Variants in SEC23A observed in about 807,000 individuals in gnomAD.
The protein encoded by SEC23A is protein transport protein Sec23A.
In SEC23A, 56 loss-of-function variants were observed where a neutral mutation model predicts 103.7. The ratio of observed to expected loss-of-function variants is 0.54; its 90% CI spans 0.44 to 0.67. The LOEUF is 0.67. Among genes scored for constraint, SEC23A ranks in the 30% least tolerant of loss-of-function variants. SEC23A has a pLI of 0.00. For synonymous variants in SEC23A, 281 were observed against 293.0 expected, an observed-to-expected ratio of 0.96 and a Z score of 0.42; for missense variants, 784 against 936.4, an observed-to-expected ratio of 0.84 and a Z score of 2.12.
intron 17 of SEC23A, chr14:39,041,401 A>G (rs1885630382): frequency 7.5e-6 from 1 of 133,672 alleles, no homozygotes; most frequent in Non-Finnish European, 1.6e-5. Context: ...CATAAAACAA[A>G]GAAAAAGCAA....
At chr14:39,055,410 A>T (rs1594448417) in intron 13 of SEC23A, 114 bp from the exon 14 acceptor site, 13 of 816,162 alleles carry the variant, frequency 1.6e-5, no homozygotes, top group Non-Finnish European at 1.8e-5. Flanking sequence ...AACTACTAGG[A>T]TTTTTTTTTT....
At chr14:39,044,712 T>C (rs192865446) in intron 16 of SEC23A, among the ~76,000 whole-genome samples, 1 of 152,204 alleles carries the variant, frequency 6.6e-6, no homozygotes, top group Non-Finnish European at 1.5e-5. Context: ...ATCAACTATT[T>C]TTTATGTTCT....
intron 15 of SEC23A, among the ~76,000 whole-genome samples, chr14:39,045,540 GA>G (rs1038127463): frequency 9.3e-5 from 14 of 150,630 alleles, no homozygotes; most frequent in South Asian, 4.2e-4. Flanking sequence ...ATTTAAGAAA[GA>G]AAAAAAAAAT....
At chr14:39,070,170 A>C (rs552950539) in intron 9 of SEC23A, among the ~76,000 whole-genome samples, 2 of 152,362 alleles carry the variant, frequency 1.3e-5, no homozygotes, top group Non-Finnish European at 2.9e-5. Flanking sequence ...CATGCGGGCA[A>C]AGATTTTTAC....
At chr14:39,074,591 T>C (rs187977232) in intron 8 of SEC23A, 61 bp from the exon 9 acceptor site, 1 of 1,014,824 alleles carries the variant, frequency 9.9e-7, no homozygotes, top group African/African-American at 1.7e-5. Context: ...CTTTTTTCCA[T>C]TAACAGATCA....
chr14:39,047,512 A>AC (rs1334686541), intron 15 of SEC23A: 145 of 598,128 alleles, frequency 2.4e-4, no homozygotes, highest in Non-Finnish European at 3.0e-4. Flanking sequence ...AACAACAACA[A>AC]AAAAAAAAAC....
At chr14:39,045,998 G>A (rs188426525) in intron 15 of SEC23A, among the ~76,000 whole-genome samples, 1 of 152,156 alleles carries the variant, frequency 6.6e-6, no homozygotes, top group Non-Finnish European at 1.5e-5. Context: ...CATGTCAGGG[G>A]GCAGTTTCCC....
intron 7 of SEC23A, among the ~76,000 whole-genome samples, chr14:39,085,421 G>C (rs796479331): frequency 9.2e-5 from 14 of 152,262 alleles, no homozygotes; most frequent in African/African-American, 3.1e-4. Flanking sequence ...GTCTATCAGA[G>C]AAGTATAGGT....
chr14:39,055,885 CTGTTT>C (rs755041557), intron 13 of SEC23A, among the ~76,000 whole-genome samples: 8 of 152,232 alleles, frequency 5.3e-5, no homozygotes, highest in Non-Finnish European at 7.3e-5. Flanking sequence ...TTCAAGTAGT[CTGTTT>C]TAACTGAGCA....
chr14:39,053,730 T>G (rs1210100651), intron 14 of SEC23A, among the ~76,000 whole-genome samples: 1 of 152,140 alleles, frequency 6.6e-6, no homozygotes, highest in Non-Finnish European at 1.5e-5. Flanking sequence ...ACACAGAAAT[T>G]CGACAGCTTA....
chr14:39,055,662 G>A (rs1351656124), intron 13 of SEC23A, among the ~76,000 whole-genome samples: 2 of 152,102 alleles, frequency 1.3e-5, no homozygotes, highest in African/African-American at 4.8e-5. Context: ...TTAGGTATTA[G>A]GCTAACTCAT....
intron 1 of SEC23A, among the ~76,000 whole-genome samples, chr14:39,102,075 T>A (rs1376840074): frequency 1.3e-5 from 2 of 152,050 alleles, no homozygotes; most frequent in Non-Finnish European, 2.9e-5. Flanking sequence ...CTACTAAAGA[T>A]ACAAAAATTA....
chr14:39,071,960 G>A (rs912098212), intron 9 of SEC23A, among the ~76,000 whole-genome samples: 4 of 152,034 alleles, frequency 2.6e-5, no homozygotes, highest in Admixed American at 2.0e-4. Context: ...GAGGCCGGGC[G>A]GGGTGGCTCA....
At chr14:39,050,357 C>A (rs939390197) in intron 14 of SEC23A, among the ~76,000 whole-genome samples, 3 of 152,144 alleles carry the variant, frequency 2.0e-5, no homozygotes, top group Non-Finnish European at 2.9e-5. Context: ...CATAAAAGGA[C>A]CCTAGGGGTC....
intron 1 of SEC23A, among the ~76,000 whole-genome samples, chr14:39,101,602 G>A (rs527928175): frequency 6.8e-6 from 1 of 147,778 alleles, no homozygotes; most frequent in East Asian, 2.0e-4. Flanking sequence ...CAGCCTGGGT[G>A]ACAGAGCGAG....
At chr14:39,083,407 A>T (rs1392430069) in intron 7 of SEC23A, among the ~76,000 whole-genome samples, 1 of 151,866 alleles carries the variant, frequency 6.6e-6, no homozygotes, top group Non-Finnish European at 1.5e-5. Flanking sequence ...GAGCTGTCCC[A>T]CCTATCTGGA....
chr14:39,048,779 A>C, intron 14 of SEC23A, 50 bp from the exon 15 acceptor site: 1 of 963,372 alleles, frequency 1.0e-6, no homozygotes, highest in Non-Finnish European at 1.7e-6. Flanking sequence ...ATAAAAGCTA[A>C]CACTGTTGCC....
intron 9 of SEC23A, among the ~76,000 whole-genome samples, chr14:39,068,179 A>G (rs1886737252): frequency 6.6e-6 from 1 of 152,156 alleles, no homozygotes; most frequent in Non-Finnish European, 1.5e-5. Flanking sequence ...GTTAAAAACT[A>G]TTTTGATACC....
At chr14:39,077,560 AAG>A (rs1311101504) in intron 7 of SEC23A, among the ~76,000 whole-genome samples, 1 of 151,792 alleles carries the variant, frequency 6.6e-6, no homozygotes, top group Non-Finnish European at 1.5e-5. Flanking sequence ...AAGAAAGAGA[AAG>A]AGAGACAAAG....
Sources: gnomAD v4.1 joint callset for allele counts (sites outside exome capture counted in the v4.1 genomes callset) on GRCh38, gnomAD v4.1.1 for gene constraint, MANE v1.5 for transcripts, NCBI Gene and HGNC (gene_info 2026-07-23, HGNC 2026-07-21) for gene names.